The following IL1RAPL1 variants were observed in gnomAD, a reference collection of about 807,000 sequenced individuals.
IL1RAPL1 encodes the protein interleukin 1 receptor accessory protein like 1, also known as interleukin-1 receptor accessory protein-like 1.
IL1RAPL1 carries 3 observed loss-of-function variants against 48.4 expected under a neutral mutation model. The observed-to-expected ratio is 0.06, with a 90% CI of 0.03 to 0.16. The LOEUF (loss-of-function observed/expected upper bound fraction) is 0.16. Among genes scored for constraint, IL1RAPL1 ranks in the 10% least tolerant of loss-of-function variants. The pLI is 1.00. For synonymous variants in IL1RAPL1, 185 were observed against 187.7 expected, an observed-to-expected ratio of 0.99 and a Z score of 0.12; for missense variants, 349 against 530.6, an observed-to-expected ratio of 0.66 and a Z score of 3.36.
chrX:29,381,491 CAAAAAAAAAAAAAAAAAAAAAAAAA>C (rs548019465), intron 3 of IL1RAPL1, among the ~76,000 whole-genome samples: 1 of 6,462 alleles, frequency 1.5e-4, no homozygotes, highest in Non-Finnish European at 2.9e-4. Context: ...CTCATCTCTA[CAAAAAAAAAAAAAAAAAAAAAAAAA>C]AAAAAAAAAA....
intron 2 of IL1RAPL1, among the ~76,000 whole-genome samples, chrX:29,076,858 A>G (rs1927688745): frequency 9.1e-6 from 1 of 109,584 alleles, no homozygotes; most frequent in South Asian, 3.8e-4. Context: ...TAGATTAAGT[A>G]TATGAAAGGA....
At chrX:29,711,069 T>TACACACACACACACACACACACACAC (rs745317897) in intron 6 of IL1RAPL1, among the ~76,000 whole-genome samples, 2 of 86,449 alleles carry the variant, frequency 2.3e-5, no homozygotes, top group African/African-American at 8.4e-5. Flanking sequence ...TGTGTGTGTA[T>TACACACACACACACACACACACACAC]ACACACACAC....
At chrX:29,614,210 A>G (rs761119102) in intron 5 of IL1RAPL1, among the ~76,000 whole-genome samples, 1 of 111,729 alleles carries the variant, frequency 9.0e-6, no homozygotes, top group African/African-American at 3.3e-5. Context: ...TATAGTGCCA[A>G]TGTCATACTT....
intron 1 of IL1RAPL1, among the ~76,000 whole-genome samples, chrX:28,753,086 C>T (rs562794545): frequency 1.8e-5 from 2 of 111,993 alleles, no homozygotes; most frequent in Admixed American, 1.9e-4. Flanking sequence ...GCAGATAAAG[C>T]TTACCTGGAA....
intron 1 of IL1RAPL1, among the ~76,000 whole-genome samples, chrX:28,677,581 G>A (rs1935012395): frequency 9.0e-6 from 1 of 111,004 alleles, no homozygotes; most frequent in Admixed American, 9.6e-5. Flanking sequence ...TTCAAAGATA[G>A]CCTTCTGATA....
intron 3 of IL1RAPL1, among the ~76,000 whole-genome samples, chrX:29,351,626 G>A (rs759604828): frequency 2.7e-5 from 3 of 112,032 alleles, no homozygotes; most frequent in East Asian, 2.8e-4. Flanking sequence ...AAGAAATATC[G>A]AATGTACATG....
chrX:29,455,015 T>C (rs182808801), intron 5 of IL1RAPL1, among the ~76,000 whole-genome samples: 132 of 111,385 alleles, frequency 1.2e-3, no homozygotes, highest in African/African-American at 4.1e-3. Flanking sequence ...GCTGGAAATA[T>C]AGAATCACAA....
At chrX:28,757,862 TC>T (rs984583841) in intron 1 of IL1RAPL1, among the ~76,000 whole-genome samples, 5 of 111,760 alleles carry the variant, frequency 4.5e-5, no homozygotes, top group African/African-American at 1.6e-4. Flanking sequence ...CCTGTTATTT[TC>T]TTTATCACTC....
chrX:28,988,214 T>C (rs753771035), intron 2 of IL1RAPL1, among the ~76,000 whole-genome samples: 1 of 111,876 alleles, frequency 8.9e-6, no homozygotes, highest in Non-Finnish European at 1.9e-5. Flanking sequence ...CAAATACTGT[T>C]TAAATTTTTA....
chrX:29,228,642 C>T (rs1176058342), intron 2 of IL1RAPL1, among the ~76,000 whole-genome samples: 3 of 110,888 alleles, frequency 2.7e-5, no homozygotes, highest in African/African-American at 6.5e-5. Flanking sequence ...CGTGAGCCAC[C>T]GCACCTGGCC....
intron 5 of IL1RAPL1, among the ~76,000 whole-genome samples, chrX:29,638,645 C>T (rs1363242987): frequency 9.0e-6 from 1 of 111,676 alleles, no homozygotes; most frequent in Non-Finnish European, 1.9e-5. Context: ...TTTGCAAATA[C>T]ATATGGTGGA....
chrX:29,777,717 T>A (rs1262685121), intron 6 of IL1RAPL1, among the ~76,000 whole-genome samples: 1 of 109,829 alleles, frequency 9.1e-6, no homozygotes, highest in Admixed American at 9.8e-5. Flanking sequence ...TGGTAAGAAG[T>A]TTTTTTTTCA....
intron 2 of IL1RAPL1, among the ~76,000 whole-genome samples, chrX:28,834,525 G>A (rs1320245890): frequency 2.7e-5 from 3 of 110,965 alleles, no homozygotes; most frequent in African/African-American, 6.5e-5. Flanking sequence ...TAGAAAGTGG[G>A]TAATGTGTGA....
chrX:29,943,923 A>T (rs1933175740), intron 9 of IL1RAPL1, among the ~76,000 whole-genome samples: 1 of 111,925 alleles, frequency 8.9e-6, no homozygotes, highest in Non-Finnish European at 1.9e-5. Context: ...TCAGTTTTTT[A>T]AAAAATGTTT....
At chrX:28,708,970 C>T (rs113922780) in intron 1 of IL1RAPL1, among the ~76,000 whole-genome samples, 1 of 111,269 alleles carries the variant, frequency 9.0e-6, no homozygotes, top group African/African-American at 3.3e-5. Context: ...AATCACTATA[C>T]GTAGATACAT....
At chrX:28,803,138 AC>A (rs1251235485) in intron 2 of IL1RAPL1, among the ~76,000 whole-genome samples, 1 of 111,757 alleles carries the variant, frequency 8.9e-6, no homozygotes, top group African/African-American at 3.2e-5. Context: ...AATTATTTTG[AC>A]AAGTGCATTG....
chrX:28,961,692 G>A (rs1469805351), intron 2 of IL1RAPL1, among the ~76,000 whole-genome samples: 1 of 111,033 alleles, frequency 9.0e-6, no homozygotes, highest in Non-Finnish European at 1.9e-5. Context: ...TTCTTTTTAT[G>A]GCTGCATAGT....
intron 5 of IL1RAPL1, among the ~76,000 whole-genome samples, chrX:29,658,522 A>G (rs750152442): frequency 3.7e-4 from 42 of 112,369 alleles, no homozygotes; most frequent in Non-Finnish European, 6.9e-4. Context: ...CATAATAAAT[A>G]TTTTTTAATG....
intron 5 of IL1RAPL1, among the ~76,000 whole-genome samples, chrX:29,635,792 C>G (rs1924949130): frequency 9.7e-6 from 1 of 103,034 alleles, no homozygotes; most frequent in Admixed American, 1.0e-4. Context: ...ATGGATGCTT[C>G]CGGAAAAAAA....
Sources: allele counts gnomAD v4.1 joint callset (sites outside exome capture counted in the v4.1 genomes callset), GRCh38; gene constraint gnomAD v4.1.1; transcripts MANE v1.5; gene names NCBI Gene and HGNC (gene_info 2026-07-23, HGNC 2026-07-21).